CFAP300: variants seen among roughly 807,000 people sequenced by gnomAD.
CFAP300 encodes the protein cilia and flagella associated protein 300.
In CFAP300, 32 loss-of-function variants were observed where a neutral mutation model predicts 33.0. The observed-to-expected ratio is 0.97, with a 90% confidence interval of 0.73 to 1.30. The LOEUF (loss-of-function observed/expected upper bound fraction) is 1.30. CFAP300 is among the 50% of genes most tolerant of loss of function. CFAP300 has a pLI of 0.00. For missense variants in CFAP300, 356 were observed against 318.1 expected, an observed-to-expected ratio of 1.12 and a Z score of -0.90; for synonymous variants, 102 against 106.8, an observed-to-expected ratio of 0.95 and a Z score of 0.28.
rs1369189536 is a variant in CFAP300, at chr11:102,084,332, T to C, written c.*1133T>C. ...GGAGCAAGTTTGAAAGATGTGTTTC[T>C]GTGTTGTGGGATAAAGACGATAATC... On this transcript the variant is annotated 3_prime_UTR_variant, in exon 7 of 7. Transcript: ENST00000434758. 1 of 152,244 alleles carries C rather than the reference T, an allele frequency of 6.6e-6. No individual in the cohort carries two copies. Among genetic ancestry groups the C allele is most frequent in the Non-Finnish European group, 1.5e-5 (1 of 68,048 alleles). The allele number at this position is 152,244 out of a possible 1,614,324, so 9.4% of individuals were successfully genotyped here. A position where few individuals can be genotyped will look rare whatever the true frequency, so the allele number is the denominator to read the frequency against.
Position 102,057,758 on chromosome 11 carries a change from A to C in CFAP300, c.193-1122A>C, listed in dbSNP as rs141568563. The C allele has an allele frequency of 6.0e-3, 919 of 152,382 alleles. 6 individuals are homozygous for C. The highest frequency in any genetic ancestry group is 0.014 in the Middle Eastern group (4 of 294). 9.4% of individuals were successfully genotyped at this position (152,382 alleles called of 1,614,324 possible). A position where few individuals can be genotyped will look rare whatever the true frequency, so the allele number is the denominator to read the frequency against. ...AACTTAAGGAAGGAGGCACACACAG[A>C]ATTCATTTCTTTGGCAAAGGTAGTG... On this transcript the variant is annotated intron_variant, in intron 2 of 6. Coordinates refer to ENST00000434758, the MANE Select transcript of CFAP300 (RefSeq NM_032930.3).
At chr11:102,061,768 G>C (rs1942152609) in intron 3 of CFAP300, among the ~76,000 whole-genome samples, 1 of 152,188 alleles carries the variant, frequency 6.6e-6, no homozygotes, top group Admixed American at 6.5e-5. Context: ...CTTCCACGTT[G>C]ATGGGGTTGC....
rs1055410333 is a variant in CFAP300, at chr11:102,047,510, T to C, written c.40T>C (p.Phe14Leu). 7 of 1,535,986 alleles carry C rather than the reference T, an allele frequency of 4.6e-6. No individual in the cohort carries two copies. In the East Asian group the frequency reaches 1.7e-4, roughly 38 times the overall value. Residue 14 changes from phenylalanine (F) to leucine (L), a missense_variant, in exon 1 of 7, where the codon TTC (phenylalanine) becomes CTC (leucine). Coordinates refer to ENST00000434758, the MANE Select transcript of CFAP300 (RefSeq NM_032930.3). Reference sequence around the variant, plus strand: ...GCTCGGGGACTTGGGTGGCTACTACTTCAGGTTCTTGCCTCAGAAAACCTT... The same window carrying C: ...GCTCGGGGACTTGGGTGGCTACTACCTCAGGTTCTTGCCTCAGAAAACCTT... ...GELGDLGGYY[F>L]RFLPQKTFQS...
At position 102,060,722 on chromosome 11, in the gene CFAP300, A is replaced by AT. The variant is rs1174366863; in HGVS notation, c.268+1775dup. On this transcript the variant is annotated intron_variant, in intron 3 of 6. Transcript: ENST00000434758. The stretch of plus-strand genomic sequence containing the variant: ...CTCAATAAAATGCATTTTAAATTAG[A>AT]TTTTTTTTGTTTAGGGGTGTATTTT... Among the ~76,000 whole-genome samples, 7 of 152,086 alleles carry AT rather than the reference A, an allele frequency of 4.6e-5. No homozygotes were observed. The East Asian group carries it at 9.7e-4, about 21-fold the overall frequency.
intron 4 of CFAP300, among the ~76,000 whole-genome samples, chr11:102,068,858 C>T (rs1942267946): frequency 6.6e-6 from 1 of 152,188 alleles, no homozygotes; most frequent in Non-Finnish European, 1.5e-5. Context: ...TTCTACTTCT[C>T]CTTACCAAGG....
intron 3 of CFAP300, among the ~76,000 whole-genome samples, chr11:102,059,591 G>A (rs1358143420): frequency 2.0e-5 from 3 of 152,144 alleles, no homozygotes; most frequent in East Asian, 1.9e-4. Flanking sequence ...GAGGGTTGCC[G>A]TGAGCTGAGA....
At chr11:102,082,075 A>G (rs1460349850) in intron 6 of CFAP300, among the ~76,000 whole-genome samples, 2 of 152,100 alleles carry the variant, frequency 1.3e-5, no homozygotes, top group South Asian at 2.1e-4. Flanking sequence ...GCTAAGTCAC[A>G]GTGATAAACA....
At chr11:102,067,770 A>C (rs368429966) in intron 4 of CFAP300, among the ~76,000 whole-genome samples, 16 of 152,272 alleles carry the variant, frequency 1.1e-4, no homozygotes, top group African/African-American at 3.8e-4. Flanking sequence ...GGCCAGGTGC[A>C]GTGGAGCGCA....
intron 3 of CFAP300, among the ~76,000 whole-genome samples, chr11:102,061,645 A>G (rs1942150932): frequency 6.6e-6 from 1 of 152,212 alleles, no homozygotes; most frequent in Non-Finnish European, 1.5e-5. Flanking sequence ...TCACTATTTT[A>G]CAAATGAATA....
At chr11:102,075,733 C>T (rs1249303085) in intron 4 of CFAP300, 140 bp from the exon 5 acceptor site, 1 of 561,092 alleles carries the variant, frequency 1.8e-6, no homozygotes, top group Admixed American at 3.5e-5. Context: ...ATGCAGATTA[C>T]AGGTTACTCT....
chr11:102,075,800 T>C, intron 4 of CFAP300, 73 bp from the exon 5 acceptor site: 1 of 1,235,054 alleles, frequency 8.1e-7, no homozygotes, highest in East Asian at 2.4e-5. Context: ...TTTAAGTCTA[T>C]AAAATGAAAC....
intron 5 of CFAP300, among the ~76,000 whole-genome samples, chr11:102,078,541 C>T (rs1355266406): frequency 6.6e-6 from 1 of 152,016 alleles, no homozygotes; most frequent in Non-Finnish European, 1.5e-5. Context: ...ACTGTACTTT[C>T]TTGCTAGGCC....
chr11:102,073,881 C>T lies in CFAP300; in HGVS notation c.436-1992C>T, dbSNP rs532043636. 3.3e-5 allele frequency among the ~76,000 whole-genome samples: 5 copies of T among 152,194 alleles called. No individual in the cohort carries two copies. In the East Asian group the frequency reaches 7.7e-4, roughly 24 times the overall value. On this transcript the variant is annotated intron_variant, in intron 4 of 6. Coordinates refer to ENST00000434758, the MANE Select transcript of CFAP300 (RefSeq NM_032930.3). ...GCCCCTCAGCTGTGGGTGGGAGATC[C>T]CATCTTCAGGGAACATGCAAGTGCG...
In CFAP300 at chr11:102,047,890, C is replaced by T. The variant is rs1173859628; in HGVS notation, c.186C>T (p.Phe62=). 1.9e-6 allele frequency: 3 copies of T among 1,613,992 alleles called. No homozygotes were observed. The African/African-American group carries it at 4.0e-5, about 22-fold the overall frequency. ...TTCAGTCCTATCGGAAGGATGATTTCGTTATGGTTAGTATGGGGGTCGGAG... is the reference window on the plus strand; with the variant it reads ...TTCAGTCCTATCGGAAGGATGATTTTGTTATGGTTAGTATGGGGGTCGGAG... ...QTFQSYRKDD[F]VMAFFKDPNV... Residue 62 remains phenylalanine, a synonymous_variant, in exon 2 of 7, where the codon TTC becomes TTT. Coordinates refer to ENST00000434758, the MANE Select transcript of CFAP300 (RefSeq NM_032930.3).
At chr11:102,067,653 T>C (rs982209128) in intron 4 of CFAP300, among the ~76,000 whole-genome samples, 2 of 152,232 alleles carry the variant, frequency 1.3e-5, no homozygotes, top group Non-Finnish European at 2.9e-5. Flanking sequence ...AGAAAATTAA[T>C]TGAAGCATTT....
At chr11:102,051,343 CAACTTCAAGG>C (rs952560589) in intron 2 of CFAP300, among the ~76,000 whole-genome samples, 3 of 152,256 alleles carry the variant, frequency 2.0e-5, no homozygotes, top group African/African-American at 7.2e-5. Context: ...TCCACATAAA[CAACTTCAAGG>C]AAGCGCCTTA....
At chr11:102,056,342 G>C (rs1368863445) in intron 2 of CFAP300, among the ~76,000 whole-genome samples, 1 of 152,126 alleles carries the variant, frequency 6.6e-6, no homozygotes, top group Non-Finnish European at 1.5e-5. Context: ...GAGTTTGTTG[G>C]ATGAGATATG....
intron 3 of CFAP300, among the ~76,000 whole-genome samples, chr11:102,063,059 C>T (rs924949602): frequency 3.3e-5 from 5 of 152,248 alleles, no homozygotes; most frequent in Admixed American, 1.3e-4. Context: ...TCCATTTCAA[C>T]AGGCCAGATG....
At chr11:102,049,310 T>C (rs1941934183) in intron 2 of CFAP300, among the ~76,000 whole-genome samples, 1 of 152,230 alleles carries the variant, frequency 6.6e-6, no homozygotes, top group African/African-American at 2.4e-5. Context: ...GTCAGTCCCA[T>C]AGCCTTTTCC....
Sources: allele counts gnomAD v4.1 joint callset (sites outside exome capture counted in the v4.1 genomes callset), GRCh38; gene constraint gnomAD v4.1.1; transcripts MANE v1.5; gene names NCBI Gene and HGNC (gene_info 2026-07-23, HGNC 2026-07-21).